Variants in JMJD1C observed in about 807,000 individuals in gnomAD.
The protein encoded by JMJD1C is jumonji domain containing 1C, also known as jumonji domain-containing protein 1C.
In JMJD1C, 31 loss-of-function variants were observed where a neutral mutation model predicts 245.3. The observed-to-expected ratio is 0.13, with a 90% CI of 0.09 to 0.17. The LOEUF (loss-of-function observed/expected upper bound fraction) is 0.17, where lower values mean the gene tolerates loss of function less well. Among genes scored for constraint, JMJD1C ranks in the 10% least tolerant of loss-of-function variants. JMJD1C has a pLI of 1.00. For missense variants in JMJD1C, 2,691 were observed against 3,000.2 expected (o/e 0.90, Z 2.41); for synonymous variants, 1,057 against 1,017.4 (o/e 1.04, Z -0.74).
At chr10:63,494,168 G>A (rs980028810) in intron 1 of JMJD1C, among the ~76,000 whole-genome samples, 9 of 152,184 alleles carry the variant, frequency 5.9e-5, no homozygotes, top group Admixed American at 2.0e-4. Context: ...AAAGTTAGCC[G>A]GGCAAGGTGG....
At chr10:63,336,994 C>T (rs941411582) in intron 2 of JMJD1C, among the ~76,000 whole-genome samples, 21 of 152,024 alleles carry the variant, frequency 1.4e-4, no homozygotes, top group Non-Finnish European at 7.4e-5. Context: ...GTGCCCGCCA[C>T]CACAATCAGC....
At chr10:63,240,218 C>T (rs752586318) in intron 3 of JMJD1C, among the ~76,000 whole-genome samples, 2 of 151,998 alleles carry the variant, frequency 1.3e-5, no homozygotes, top group East Asian at 1.9e-4. Flanking sequence ...TGTGACACGG[C>T]TTAGGGTGAG....
At chr10:63,376,531 G>A (rs1415264351) in intron 2 of JMJD1C, among the ~76,000 whole-genome samples, 1 of 151,704 alleles carries the variant, frequency 6.6e-6, no homozygotes, top group Non-Finnish European at 1.5e-5. Flanking sequence ...TATCTAAAAG[G>A]GGATTAATAT....
At chr10:63,170,306 C>G (rs1842230459) in intron 24 of JMJD1C, among the ~76,000 whole-genome samples, 1 of 152,110 alleles carries the variant, frequency 6.6e-6, no homozygotes. Context: ...CCATACTTTC[C>G]TCTTTCTGTG....
At chr10:63,445,072 A>T (rs977835959) in intron 1 of JMJD1C, among the ~76,000 whole-genome samples, 1 of 152,002 alleles carries the variant, frequency 6.6e-6, no homozygotes, top group Non-Finnish European at 1.5e-5. Context: ...ACAAAAAAAC[A>T]ATTAAAAAAA....
chr10:63,200,417 A>T, intron 11 of JMJD1C, 59 bp downstream of exon 11: 1 of 1,295,102 alleles, frequency 7.7e-7, no homozygotes, highest in Non-Finnish European at 1.1e-6. Flanking sequence ...ATAACACTAT[A>T]TAATTTCCAA....
intron 1 of JMJD1C, among the ~76,000 whole-genome samples, chr10:63,441,861 T>C (rs1023088163): frequency 6.6e-6 from 1 of 152,184 alleles, no homozygotes; most frequent in Non-Finnish European, 1.5e-5. Context: ...ATAAATACCT[T>C]TGTATTCTGC....
At chr10:63,224,173 G>T (rs887850254) in intron 3 of JMJD1C, among the ~76,000 whole-genome samples, 2 of 152,160 alleles carry the variant, frequency 1.3e-5, no homozygotes, top group Admixed American at 6.5e-5. Flanking sequence ...ATTAAAAACT[G>T]TTAAATTGAG....
chr10:63,262,548 A>G (rs2133759804), intron 3 of JMJD1C, among the ~76,000 whole-genome samples: 1 of 152,310 alleles, frequency 6.6e-6, no homozygotes, highest in Admixed American at 6.5e-5. Flanking sequence ...AAACTAAGGT[A>G]TGCTAGATCC....
At chr10:63,179,606 T>C (rs1047428429) in intron 22 of JMJD1C, among the ~76,000 whole-genome samples, 1 of 151,444 alleles carries the variant, frequency 6.6e-6, no homozygotes, top group African/African-American at 2.4e-5. Context: ...AACCCGTCTT[T>C]ACAAAAAAAT....
chr10:63,371,973 A>G (rs1334276806), intron 2 of JMJD1C, among the ~76,000 whole-genome samples: 1 of 152,176 alleles, frequency 6.6e-6, no homozygotes, highest in Non-Finnish European at 1.5e-5. Flanking sequence ...AAATGAACAT[A>G]CTCCAAAGTT....
At chr10:63,357,037 T>C (rs1369751901) in intron 2 of JMJD1C, among the ~76,000 whole-genome samples, 3 of 151,950 alleles carry the variant, frequency 2.0e-5, no homozygotes, top group Admixed American at 1.3e-4. Context: ...ATTACTGACA[T>C]TATATCTTTT....
chr10:63,182,739 C>T (rs971987301), intron 22 of JMJD1C, among the ~76,000 whole-genome samples: 1 of 152,148 alleles, frequency 6.6e-6, no homozygotes, highest in Non-Finnish European at 1.5e-5. Flanking sequence ...AGAGAAAAGA[C>T]CCCCTTCTTC....
At chr10:63,416,132 TAAA>T (rs1288853414) in intron 1 of JMJD1C, among the ~76,000 whole-genome samples, 1 of 151,916 alleles carries the variant, frequency 6.6e-6, no homozygotes, top group African/African-American at 2.4e-5. Flanking sequence ...TATTAAAAAA[TAAA>T]AAAGCCAACC....
At chr10:63,418,840 G>A (rs1364459020) in intron 1 of JMJD1C, among the ~76,000 whole-genome samples, 1 of 152,122 alleles carries the variant, frequency 6.6e-6, no homozygotes, top group Non-Finnish European at 1.5e-5. Context: ...AGCATTTTGG[G>A]AGGCCGAGGC....
At chr10:63,283,780 T>C (rs1392094887) in intron 2 of JMJD1C, among the ~76,000 whole-genome samples, 1 of 152,186 alleles carries the variant, frequency 6.6e-6, no homozygotes, top group Non-Finnish European at 1.5e-5. Context: ...CTTTGTGCTG[T>C]ATTCTACTTG....
intron 2 of JMJD1C, among the ~76,000 whole-genome samples, chr10:63,344,488 A>G (rs1312334191): frequency 1.3e-5 from 2 of 152,180 alleles, no homozygotes; most frequent in African/African-American, 2.4e-5. Flanking sequence ...TAAGTGATGC[A>G]TGGCTATTCG....
At chr10:63,277,673 TA>T (rs1856932171) in intron 2 of JMJD1C, among the ~76,000 whole-genome samples, 1 of 150,146 alleles carries the variant, frequency 6.7e-6, no homozygotes, top group African/African-American at 2.4e-5. Flanking sequence ...TGAAAATTTT[TA>T]AAAAACAAAT....
At chr10:63,389,841 A>G (rs1434278186) in intron 1 of JMJD1C, among the ~76,000 whole-genome samples, 2 of 152,196 alleles carry the variant, frequency 1.3e-5, no homozygotes, top group Non-Finnish European at 2.9e-5. Flanking sequence ...TAGCTTTACA[A>G]TAAATAAAAA....
Sources: gnomAD v4.1 joint callset for allele counts (sites outside exome capture counted in the v4.1 genomes callset) on GRCh38, gnomAD v4.1.1 for gene constraint, MANE v1.5 for transcripts, NCBI Gene and HGNC (gene_info 2026-07-23, HGNC 2026-07-21) for gene names.